Variants in CCDC171 observed in about 807,000 individuals in gnomAD.
The protein encoded by CCDC171 is coiled-coil domain-containing protein 171.
CCDC171 carries 177 observed loss-of-function variants against 168.2 expected under a neutral mutation model. The observed-to-expected ratio is 1.05, with a 90% CI of 0.93 to 1.19. The LOEUF (loss-of-function observed/expected upper bound fraction) is 1.19, where lower values mean the gene tolerates loss of function less well. CCDC171 is among the 50% of genes most tolerant of loss of function. The probability of loss-of-function intolerance (pLI) is 0.00; values close to 1 mark genes in which losing one functional copy is unlikely to be tolerated. For synonymous variants in CCDC171, 687 were observed against 540.8 expected (o/e 1.27, Z -3.75); for missense variants, 1,991 against 1,539.0 (o/e 1.29, Z -4.91).
rs1237251053 is a variant in CCDC171 at position 15,677,910 on chromosome 9, ATATATATATATATAT to A, written c.1077-847_1077-833del. 2.5e-3 allele frequency among the ~76,000 whole-genome samples: 66 copies of A among 26,478 alleles called. 8 individuals are homozygous for A. The highest frequency in any genetic ancestry group is 9.8e-3 in the South Asian group (6 of 612). 17.4% of individuals were successfully genotyped at this position (26,478 alleles called of 152,430 possible). ...TATATATATATATATATATATATAT[ATATATATATATATAT>A]AAGAGATGTGGTCTCATTCTGTTAC... On this transcript the variant is annotated intron_variant, in intron 9 of 25. Coordinates refer to ENST00000380701, the MANE Select transcript of CCDC171 (RefSeq NM_173550.4).
chr9:16,059,834 C>T (rs552421218), intron 1 of CCDC171, among the ~76,000 whole-genome samples: 1 of 151,642 alleles, frequency 6.6e-6, no homozygotes, highest in African/African-American at 2.4e-5. Flanking sequence ...CTTTAACACA[C>T]CCGACTTATT....
chr9:15,932,987 G>A (rs1826704938), intron 25 of CCDC171, among the ~76,000 whole-genome samples: 1 of 151,912 alleles, frequency 6.6e-6, no homozygotes, highest in Non-Finnish European at 1.5e-5. Context: ...TGTTGAGTTT[G>A]GTTTGATAGT....
intron 7 of CCDC171, among the ~76,000 whole-genome samples, chr9:15,646,919 AC>A (rs1300100274): frequency 6.6e-6 from 1 of 152,136 alleles, no homozygotes; most frequent in African/African-American, 2.4e-5. Context: ...CATCTACAGA[AC>A]TCTCCACCCC....
At chr9:16,009,933 C>T (rs1197801102) in intron 3 of CCDC171, among the ~76,000 whole-genome samples, 1 of 152,130 alleles carries the variant, frequency 6.6e-6, no homozygotes, top group Non-Finnish European at 1.5e-5. Context: ...GCTGGCAACT[C>T]TGTTAAAAAT....
At chr9:15,915,868 A>T (rs1824429842) in intron 24 of CCDC171, among the ~76,000 whole-genome samples, 1 of 152,048 alleles carries the variant, frequency 6.6e-6, no homozygotes, top group South Asian at 2.1e-4. Flanking sequence ...TATTGAGATG[A>T]TCTTATGGTT....
At chr9:15,683,674 C>T (rs2050190946) in intron 10 of CCDC171, among the ~76,000 whole-genome samples, 1 of 151,978 alleles carries the variant, frequency 6.6e-6, no homozygotes, top group Admixed American at 6.6e-5. Flanking sequence ...ATGGTATAGG[C>T]ATAAAGCTTT....
At chr9:15,748,417 G>T (rs975061578) in intron 18 of CCDC171, among the ~76,000 whole-genome samples, 1 of 152,134 alleles carries the variant, frequency 6.6e-6, no homozygotes, top group African/African-American at 2.4e-5. Context: ...TTATCGAGGA[G>T]AACTTCCCAA....
chr9:15,635,503 C>A (rs1230230573), intron 7 of CCDC171, among the ~76,000 whole-genome samples: 3 of 152,264 alleles, frequency 2.0e-5, no homozygotes, highest in African/African-American at 7.2e-5. Flanking sequence ...CAGCAAGTCT[C>A]CCCATTCCAC....
chr9:15,960,784 C>A (rs1198501944), intron 25 of CCDC171, among the ~76,000 whole-genome samples: 1 of 152,152 alleles, frequency 6.6e-6, no homozygotes, highest in Admixed American at 6.6e-5. Flanking sequence ...CTTTCTCTCC[C>A]TAAGAAATAC....
the CCDC171 span, among the ~76,000 whole-genome samples, chr9:16,095,414 C>A: frequency 2.0e-5 from 3 of 151,940 alleles, no homozygotes; most frequent in Admixed American, 2.0e-4. Flanking sequence ...TCTTTTAGAA[C>A]TTCCCTCAAA....
intron 6 of CCDC171, among the ~76,000 whole-genome samples, chr9:15,608,021 A>G (rs1587372878): frequency 6.6e-6 from 1 of 151,896 alleles, no homozygotes; most frequent in Non-Finnish European, 1.5e-5. Context: ...GCTGATGGGA[A>G]CTCTGCAGAG....
intron 24 of CCDC171, among the ~76,000 whole-genome samples, chr9:15,888,265 A>G (rs1819697259): frequency 6.6e-6 from 1 of 152,192 alleles, no homozygotes. Context: ...TTTGGTTGCA[A>G]TAATTAGAAG....
chr9:15,855,651 T>A (rs1200438313), intron 23 of CCDC171, among the ~76,000 whole-genome samples: 1 of 151,932 alleles, frequency 6.6e-6, no homozygotes, highest in African/African-American at 2.4e-5. Flanking sequence ...ATTAGATAGA[T>A]CTTTGGTAGT....
At chr9:15,604,945 T>G (rs1045283190) in intron 6 of CCDC171, among the ~76,000 whole-genome samples, 1 of 152,204 alleles carries the variant, frequency 6.6e-6, no homozygotes. Context: ...TGAGACAAGG[T>G]CTCACTCTGT....
At chr9:15,913,402 A>G (rs748939225) in intron 24 of CCDC171, among the ~76,000 whole-genome samples, 1 of 151,986 alleles carries the variant, frequency 6.6e-6, no homozygotes, top group Non-Finnish European at 1.5e-5. Context: ...TATTGTGTCT[A>G]TTTGATTCTT....
intron 23 of CCDC171, among the ~76,000 whole-genome samples, chr9:15,866,334 A>G (rs2061784273): frequency 6.6e-6 from 1 of 152,124 alleles, no homozygotes; most frequent in African/African-American, 2.4e-5. Context: ...AGACAACTCT[A>G]TTAGGAAGCT....
At chr9:15,577,292 T>C (rs997360140) in intron 3 of CCDC171, among the ~76,000 whole-genome samples, 3 of 152,256 alleles carry the variant, frequency 2.0e-5, no homozygotes, top group Non-Finnish European at 4.4e-5. Context: ...ATTATCATTT[T>C]GTGTTTGTAA....
intron 25 of CCDC171, among the ~76,000 whole-genome samples, chr9:15,958,590 T>C (rs887334875): frequency 6.8e-6 from 1 of 147,562 alleles, no homozygotes; most frequent in South Asian, 2.1e-4. Context: ...AGGAAAAGTT[T>C]GGGGTAAAGG....
At chr9:15,665,475 C>G (rs1358026737) in intron 8 of CCDC171, among the ~76,000 whole-genome samples, 1 of 152,168 alleles carries the variant, frequency 6.6e-6, no homozygotes, top group African/African-American at 2.4e-5. Context: ...AGGAAGAATA[C>G]TTCCCTTTAG....
Sources: gnomAD v4.1 joint callset for allele counts (sites outside exome capture counted in the v4.1 genomes callset) on GRCh38, gnomAD v4.1.1 for gene constraint, MANE v1.5 for transcripts, NCBI Gene and HGNC (gene_info 2026-07-23, HGNC 2026-07-21) for gene names.